The following FER1L6 variants were observed in gnomAD, a reference collection of about 807,000 sequenced individuals.
FER1L6 encodes fer-1 like family member 6.
A neutral mutation model predicts 219.2 loss-of-function variants in FER1L6; 177 were observed. That is an observed-to-expected ratio of 0.81 (90% CI 0.71 to 0.91). FER1L6 has a LOEUF of 0.91. Among genes scored for constraint, FER1L6 ranks in the 40% least tolerant of loss-of-function variants. FER1L6 has a pLI of 0.00. For synonymous variants in FER1L6, 768 were observed against 824.3 expected (o/e 0.93, Z 1.17); for missense variants, 2,153 against 2,259.9 (o/e 0.95, Z 0.96).
intron 1 of FER1L6, among the ~76,000 whole-genome samples, chr8:123,949,535 C>T (rs1209633051): frequency 6.6e-6 from 1 of 152,160 alleles, no homozygotes; most frequent in Non-Finnish European, 1.5e-5. Context: ...ACCCAGACAT[C>T]AAATAGGGAT....
chr8:124,021,417 GCAGACCCTGGAA>G, intron 16 of FER1L6, 121 bp from the exon 17 acceptor site: 1 of 1,168,462 alleles, frequency 8.6e-7, no homozygotes, highest in Non-Finnish European at 1.2e-6. Context: ...ATGCACGGTG[GCAGACCCTGGAA>G]CAGTCCACGT....
At chr8:124,026,383 C>T (rs1818707284) in intron 18 of FER1L6, among the ~76,000 whole-genome samples, 1 of 152,090 alleles carries the variant, frequency 6.6e-6, no homozygotes, top group Admixed American at 6.6e-5. Flanking sequence ...GGTGAAAAGG[C>T]TCAAAATCAT....
intron 22 of FER1L6, among the ~76,000 whole-genome samples, chr8:124,050,785 C>A (rs1156605376): frequency 6.6e-6 from 1 of 151,626 alleles, no homozygotes; most frequent in Non-Finnish European, 1.5e-5. Flanking sequence ...TATCAGGACA[C>A]GAATCCCATT....
intron 1 of FER1L6, among the ~76,000 whole-genome samples, chr8:123,890,466 A>C (rs898670791): frequency 6.6e-6 from 1 of 151,604 alleles, no homozygotes; most frequent in African/African-American, 2.4e-5. Context: ...TGATGTTTTA[A>C]AGTTTTTATT....
rs1034147052 is a variant in FER1L6 at position 124,043,270 on chromosome 8, T to G, written c.2590-2497T>G. On this transcript the variant is annotated intron_variant, in intron 20 of 40. Transcript: ENST00000522917. ...CCGCAGGGTAGGTGCTAACCCCATT[T>G]AAATGAGGAAAACTAAGGTTTGGAG... Among the ~76,000 whole-genome samples the G allele has an allele frequency of 2.6e-5, 4 of 152,170 alleles. No homozygotes were observed. The South Asian group carries it at 8.3e-4, about 32-fold the overall frequency.
rs1011086969 is a variant in FER1L6 at position 124,045,834 on chromosome 8, G to A, written c.2657G>A (p.Gly886Glu). ...CTGTTCAATGATTTGGTGCTGCATG[G>A]AGATGTGAAGGAGCTGGCAGAGTCC... ...MLLFNDLVLH[G>E]DVKELAESPP... The change falls in exon 21 of 41, where the codon GGA becomes GAA. Residue 886 changes from glycine to glutamate, a missense_variant. Coordinates refer to ENST00000522917, the MANE Select transcript of FER1L6 (RefSeq NM_001039112.2). 12 of 1,614,114 alleles carry A rather than the reference G, an allele frequency of 7.4e-6. No individual in the cohort carries two copies. Among genetic ancestry groups the A allele is most frequent in the Admixed American group, 1.7e-5 (1 of 60,028 alleles).
intron 1 of FER1L6, among the ~76,000 whole-genome samples, chr8:123,934,145 C>A (rs1813892632): frequency 6.6e-6 from 1 of 152,240 alleles, no homozygotes; most frequent in African/African-American, 2.4e-5. Context: ...AAGTCTCACT[C>A]TGTCACCCAG....
intron 19 of FER1L6, among the ~76,000 whole-genome samples, chr8:124,039,523 A>G (rs1586624643): frequency 6.6e-6 from 1 of 152,196 alleles, no homozygotes; most frequent in East Asian, 1.9e-4. Context: ...AATAAAATCG[A>G]TGCTCCGGCA....
intron 16 of FER1L6, among the ~76,000 whole-genome samples, chr8:124,020,518 C>T (rs1050705379): frequency 6.6e-6 from 1 of 152,132 alleles, no homozygotes; most frequent in Non-Finnish European, 1.5e-5. Context: ...GTGAGCTGAA[C>T]AAATGAATCA....
intron 1 of FER1L6, among the ~76,000 whole-genome samples, chr8:123,923,020 A>T (rs1400517407): frequency 6.6e-6 from 1 of 151,916 alleles, no homozygotes; most frequent in African/African-American, 2.4e-5. Flanking sequence ...CTCTCAGTCT[A>T]GCCACATCCT....
chr8:123,951,870 A>C (rs1399891202), intron 1 of FER1L6, among the ~76,000 whole-genome samples: 1 of 152,198 alleles, frequency 6.6e-6, no homozygotes, highest in Non-Finnish European at 1.5e-5. Flanking sequence ...GGTAGAGAAG[A>C]GAGCAGCATG....
chr8:124,056,941 G>T (rs949061973), intron 22 of FER1L6, among the ~76,000 whole-genome samples: 2 of 152,198 alleles, frequency 1.3e-5, no homozygotes, highest in African/African-American at 4.8e-5. Context: ...CTACTCAGGA[G>T]GCTGAGGCAG....
At chr8:124,083,188 T>A (rs1226066944) in intron 33 of FER1L6, among the ~76,000 whole-genome samples, 1 of 152,112 alleles carries the variant, frequency 6.6e-6, no homozygotes, top group Admixed American at 6.5e-5. Flanking sequence ...TATTTTAAAA[T>A]AGACAATAAA....
At chr8:124,055,544 T>A (rs937517727) in intron 22 of FER1L6, among the ~76,000 whole-genome samples, 2 of 152,204 alleles carry the variant, frequency 1.3e-5, no homozygotes, top group Non-Finnish European at 2.9e-5. Flanking sequence ...TTTTCCATTC[T>A]CCATACTTAG....
chr8:123,942,837 A>G (rs1814298188), intron 1 of FER1L6, among the ~76,000 whole-genome samples: 3 of 152,236 alleles, frequency 2.0e-5, no homozygotes, highest in Admixed American at 1.3e-4. Context: ...GGGAACCACT[A>G]TTCAATTCAC....
intron 18 of FER1L6, among the ~76,000 whole-genome samples, chr8:124,029,277 T>A (rs1362603464): frequency 2.0e-5 from 3 of 152,212 alleles, no homozygotes; most frequent in Non-Finnish European, 4.4e-5. Flanking sequence ...TGATTTATAA[T>A]CCTTTGGGTA....
At chr8:123,912,344 T>C (rs894721591) in intron 1 of FER1L6, among the ~76,000 whole-genome samples, 3 of 152,066 alleles carry the variant, frequency 2.0e-5, no homozygotes, top group Non-Finnish European at 4.4e-5. Flanking sequence ...TTCTCTGGTA[T>C]GTTTGATGAT....
chr8:123,945,903 A>G (rs945772061), intron 1 of FER1L6, among the ~76,000 whole-genome samples: 13 of 152,226 alleles, frequency 8.5e-5, no homozygotes, highest in Non-Finnish European at 1.3e-4. Flanking sequence ...TCTTTAGTAT[A>G]TACAGAAAAA....
At chr8:123,976,605 C>T (rs754342232) in intron 9 of FER1L6, among the ~76,000 whole-genome samples, 1 of 152,002 alleles carries the variant, frequency 6.6e-6, no homozygotes, top group Non-Finnish European at 1.5e-5. Context: ...AGGAGCTATG[C>T]GTGGATTGTG....
Sources: gnomAD v4.1 joint callset for allele counts (sites outside exome capture counted in the v4.1 genomes callset) on GRCh38, gnomAD v4.1.1 for gene constraint, MANE v1.5 for transcripts, NCBI Gene and HGNC (gene_info 2026-07-23, HGNC 2026-07-21) for gene names.